MECOM: variants seen among roughly 807,000 people sequenced by gnomAD.
MECOM encodes histone-lysine N-methyltransferase MECOM.
In MECOM, 13 loss-of-function variants were observed where a neutral mutation model predicts 116.3. The ratio of observed to expected loss-of-function variants is 0.11; its 90% confidence interval spans 0.07 to 0.18. MECOM has a LOEUF of 0.18. Ranked by LOEUF, MECOM falls within the 10% of genes least tolerant of loss-of-function variation. MECOM has a pLI of 1.00. For missense variants in MECOM, 1,299 were observed against 1,509.0 expected, an observed-to-expected ratio of 0.86 and a Z score of 2.31; for synonymous variants, 528 against 535.2, an observed-to-expected ratio of 0.99 and a Z score of 0.19.
At chr3:169,118,383 C>T (rs1227588725) in intron 7 of MECOM, among the ~76,000 whole-genome samples, 1 of 151,972 alleles carries the variant, frequency 6.6e-6, no homozygotes, top group African/African-American at 2.4e-5. Context: ...ATTATTTTAC[C>T]AGAATATATC....
chr3:169,305,618 C>T (rs1230571374), intron 2 of MECOM, among the ~76,000 whole-genome samples: 1 of 152,180 alleles, frequency 6.6e-6, no homozygotes, highest in Non-Finnish European at 1.5e-5. Context: ...ACTGTCAGCA[C>T]CAAGGCCCAG....
chr3:169,448,428 G>C (rs936168781), intron 1 of MECOM, among the ~76,000 whole-genome samples: 15 of 152,222 alleles, frequency 9.9e-5, no homozygotes, highest in African/African-American at 3.1e-4. Context: ...TTTTACACAG[G>C]AGTAAAATGA....
At chr3:169,247,315 T>C (rs1755714424) in intron 2 of MECOM, among the ~76,000 whole-genome samples, 1 of 92,884 alleles carries the variant, frequency 1.1e-5, no homozygotes. Context: ...TTTTTTTTCT[T>C]TTTTTTTGAG....
At chr3:169,196,969 A>G (rs1258167445) in intron 2 of MECOM, among the ~76,000 whole-genome samples, 4 of 152,084 alleles carry the variant, frequency 2.6e-5, no homozygotes, top group Admixed American at 1.3e-4. Context: ...ACACCATGGA[A>G]TACTATGCAG....
intron 1 of MECOM, among the ~76,000 whole-genome samples, chr3:169,477,405 C>A (rs1239758183): frequency 6.6e-6 from 1 of 151,816 alleles, no homozygotes; most frequent in Admixed American, 6.6e-5. Flanking sequence ...AAAATGAAGA[C>A]CATCAATGAT....
At chr3:169,175,838 A>G (rs1168816629) in intron 2 of MECOM, among the ~76,000 whole-genome samples, 2 of 152,126 alleles carry the variant, frequency 1.3e-5, no homozygotes, top group African/African-American at 4.8e-5. Flanking sequence ...TCTATGGCAG[A>G]CCCTCATGCA....
intron 1 of MECOM, among the ~76,000 whole-genome samples, chr3:169,660,134 C>T (rs955736924): frequency 3.3e-5 from 5 of 152,134 alleles, no homozygotes; most frequent in Non-Finnish European, 7.4e-5. Context: ...TCCATCAGGA[C>T]CATAGCAACT....
intron 1 of MECOM, among the ~76,000 whole-genome samples, chr3:169,505,118 C>T (rs1289038772): frequency 6.6e-6 from 1 of 152,054 alleles, no homozygotes; most frequent in Non-Finnish European, 1.5e-5. Context: ...CAAAAATGTC[C>T]AACTTCCTCT....
chr3:169,573,999 T>C lies in MECOM; in HGVS notation c.37+89337A>G, dbSNP rs10936586. On this transcript the variant is annotated intron_variant, in intron 1 of 16. Coordinates refer to ENST00000651503, the MANE Select transcript of MECOM (RefSeq NM_004991.4). The stretch of plus-strand genomic sequence containing the variant: ...TTTGGCTGAACAGACAGTATGTATG[T>C]ATGTATGTAAGCAAACAAAACAAAT... 7.6e-3 allele frequency among the ~76,000 whole-genome samples: 1,151 copies of C among 152,328 alleles called. 14 individuals carry two copies. Among genetic ancestry groups the C allele is most frequent in the African/African-American group, 0.026 (1,094 of 41,578 alleles).
At chr3:169,166,078 CT>C (rs557235318) in intron 2 of MECOM, among the ~76,000 whole-genome samples, 73 of 152,234 alleles carry the variant, frequency 4.8e-4, no homozygotes, top group Middle Eastern at 3.4e-3. Context: ...AATTCCTGTT[CT>C]TTCACTTGTT....
intron 1 of MECOM, among the ~76,000 whole-genome samples, chr3:169,631,252 T>A (rs768716845): frequency 3.3e-5 from 5 of 152,238 alleles, no homozygotes; most frequent in Non-Finnish European, 7.3e-5. Context: ...CAATAGCTAC[T>A]TCATGATTTC....
At chr3:169,301,927 G>T (rs552616132) in intron 2 of MECOM, among the ~76,000 whole-genome samples, 1 of 152,286 alleles carries the variant, frequency 6.6e-6, no homozygotes, top group South Asian at 2.1e-4. Flanking sequence ...GCTTAGCACT[G>T]ACATCAGTGC....
At chr3:169,323,667 T>C (rs1721300749) in intron 2 of MECOM, among the ~76,000 whole-genome samples, 4 of 152,226 alleles carry the variant, frequency 2.6e-5, no homozygotes, top group African/African-American at 9.6e-5. Context: ...ACCTGAATGT[T>C]GCCTCTACAG....
chr3:169,478,292 G>T (rs1334679196), intron 1 of MECOM, among the ~76,000 whole-genome samples: 4 of 152,166 alleles, frequency 2.6e-5, no homozygotes, highest in Non-Finnish European at 5.9e-5. Flanking sequence ...GTAGAAGAAT[G>T]ATATTGTCAA....
intron 1 of MECOM, among the ~76,000 whole-genome samples, chr3:169,532,198 G>T (rs1277762837): frequency 6.6e-6 from 1 of 152,204 alleles, no homozygotes; most frequent in Non-Finnish European, 1.5e-5. Flanking sequence ...CCCATGCTCA[G>T]AGTTTCTGAT....
chr3:169,508,073 A>C (rs923319075), intron 1 of MECOM, among the ~76,000 whole-genome samples: 4 of 152,198 alleles, frequency 2.6e-5, no homozygotes, highest in Non-Finnish European at 4.4e-5. Context: ...AAACTAAGTG[A>C]AATAACATTT....
At chr3:169,207,028 G>C (rs965439878) in intron 2 of MECOM, among the ~76,000 whole-genome samples, 1 of 152,118 alleles carries the variant, frequency 6.6e-6, no homozygotes. Flanking sequence ...TGATGATATA[G>C]CATAAAGAAC....
At chr3:169,404,346 T>C (rs1736328409) in intron 1 of MECOM, among the ~76,000 whole-genome samples, 1 of 151,978 alleles carries the variant, frequency 6.6e-6, no homozygotes, top group Non-Finnish European at 1.5e-5. Flanking sequence ...AAGGCCAATC[T>C]TTCCCACAAT....
chr3:169,563,289 A>G (rs1762865168), intron 1 of MECOM, among the ~76,000 whole-genome samples: 1 of 152,106 alleles, frequency 6.6e-6, no homozygotes, highest in African/African-American at 2.4e-5. Flanking sequence ...GGTTCATAAA[A>G]CCAACTCCAC....
Sources: allele counts gnomAD v4.1 joint callset (sites outside exome capture counted in the v4.1 genomes callset), GRCh38; gene constraint gnomAD v4.1.1; transcripts MANE v1.5; gene names NCBI Gene and HGNC (gene_info 2026-07-23, HGNC 2026-07-21).